The following PHF14 variants were observed in gnomAD, a reference collection of about 807,000 sequenced individuals.
PHF14 encodes PHD finger protein 14.
A neutral mutation model predicts 117.9 loss-of-function variants in PHF14; 55 were observed. The observed-to-expected ratio is 0.47, with a 90% CI of 0.38 to 0.58. The LOEUF is 0.58. PHF14 is among the 20% of genes least tolerant of loss of function. The probability of loss-of-function intolerance (pLI) is 0.00; values close to 1 mark genes in which losing one functional copy is unlikely to be tolerated. For synonymous variants in PHF14, 409 were observed against 368.6 expected (o/e 1.11, Z -1.26); for missense variants, 978 against 1,122.2 (o/e 0.87, Z 1.84).
At chr7:11,015,446 C>T (rs114470394) in intron 5 of PHF14, among the ~76,000 whole-genome samples, 377 of 152,206 alleles carry the variant, frequency 2.5e-3, no homozygotes, top group African/African-American at 8.8e-3. Context: ...TGACATGAAT[C>T]TGTGGTCTGT....
At chr7:10,986,050 C>G (rs1386311217) in intron 3 of PHF14, among the ~76,000 whole-genome samples, 3 of 152,000 alleles carry the variant, frequency 2.0e-5, no homozygotes, top group Non-Finnish European at 4.4e-5. Context: ...CTAACTGCAG[C>G]TTTGATCTCC....
chr7:10,974,893 T>C lies in PHF14; in HGVS notation c.60T>C (p.Ala20=). The C allele has an allele frequency of 6.3e-7, 1 of 1,595,278 alleles. No individual in the cohort carries two copies. The highest frequency in any genetic ancestry group is 8.5e-7 in the Non-Finnish European group (1 of 1,169,662). The part of the protein sequence containing the change: ...VKPLAASLLE[A]LDYDSSDDSD... ...CTTTGGCAGCTTCTCTGCTGGAAGC[T>C]CTTGATTATGATAGTTCAGATGACA... Residue 20 remains alanine, a synonymous_variant, in exon 2 of 18, where the codon GCT becomes GCC. Coordinates refer to ENST00000634607, the MANE Select transcript of PHF14 (RefSeq NM_001007157.2).
intron 4 of PHF14, chr7:11,006,641 G>T (rs530975824): frequency 1.3e-5 from 8 of 617,712 alleles, no homozygotes; most frequent in African/African-American, 1.3e-4. Flanking sequence ...GCAGAAACTT[G>T]ATGATGGTAT....
intron 4 of PHF14, among the ~76,000 whole-genome samples, chr7:10,992,178 C>G (rs1311728691): frequency 6.6e-6 from 1 of 151,194 alleles, no homozygotes; most frequent in South Asian, 2.1e-4. Context: ...CTCAGCCTCC[C>G]GAGTAGCTGG....
Position 11,084,282 on chromosome 7 carries a change from C to T in PHF14, c.2654+22197C>T, listed in dbSNP as rs994400186. On this transcript the variant is annotated intron_variant, in intron 16 of 17. Transcript: ENST00000634607. ...TAGCCATTTATTTTGAAGATAATAGCAATTAGAACATAAGTATTACTTTAT... is the reference window on the plus strand; with the variant it reads ...TAGCCATTTATTTTGAAGATAATAGTAATTAGAACATAAGTATTACTTTAT... 4.6e-5 allele frequency among the ~76,000 whole-genome samples: 7 copies of T among 152,096 alleles called. No individual in the cohort carries two copies. In the South Asian group the frequency reaches 1.5e-3, roughly 32 times the overall value.
intron 6 of PHF14, among the ~76,000 whole-genome samples, chr7:11,026,680 G>C (rs537114889): frequency 6.7e-6 from 1 of 150,074 alleles, no homozygotes; most frequent in East Asian, 1.9e-4. Context: ...GTCCAGTTAC[G>C]TTATCTGATG....
rs186235400 is a variant in PHF14, at chr7:10,975,224, A to G, written c.112+279A>G. On this transcript the variant is annotated intron_variant, in intron 2 of 17. Transcript: ENST00000634607. Reference sequence around the variant, plus strand: ...TACACCTTAAAATATATTTATGCTTATATTATAGAGGAAAAAACTGAAAGA... The same window carrying G: ...TACACCTTAAAATATATTTATGCTTGTATTATAGAGGAAAAAACTGAAAGA... Among the ~76,000 whole-genome samples the G allele has an allele frequency of 2.4e-4, 37 of 152,338 alleles. No homozygotes were observed. In the East Asian group the frequency reaches 6.9e-3, roughly 29 times the overall value.
intron 5 of PHF14, among the ~76,000 whole-genome samples, chr7:11,016,134 A>T (rs1028540604): frequency 4.6e-5 from 7 of 152,068 alleles, no homozygotes; most frequent in African/African-American, 7.2e-5. Context: ...ACATAAGTAG[A>T]CACCTCCTGT....
chr7:11,068,084 C>T (rs966068193), intron 16 of PHF14, among the ~76,000 whole-genome samples: 1 of 152,174 alleles, frequency 6.6e-6, no homozygotes, highest in Non-Finnish European at 1.5e-5. Context: ...GGTGCGGTGG[C>T]TCACGCCTGT....
At chr7:11,049,136 A>G (rs1327736242) in intron 13 of PHF14, among the ~76,000 whole-genome samples, 2 of 152,188 alleles carry the variant, frequency 1.3e-5, no homozygotes, top group Non-Finnish European at 2.9e-5. Flanking sequence ...TTTAGATAAC[A>G]TTATGTTTGC....
chr7:11,049,485 A>AT (rs1784781663), intron 13 of PHF14, among the ~76,000 whole-genome samples: 1 of 152,058 alleles, frequency 6.6e-6, no homozygotes, highest in Non-Finnish European at 1.5e-5. Context: ...AAAAAAAAAA[A>AT]AAAAAAAAGT....
At chr7:11,000,728 G>C (rs1782835673) in intron 4 of PHF14, among the ~76,000 whole-genome samples, 1 of 152,050 alleles carries the variant, frequency 6.6e-6, no homozygotes, top group Non-Finnish European at 1.5e-5. Flanking sequence ...TTATTGTTAA[G>C]TTTTAAGAGT....
chr7:11,049,474 CAA>C (rs11342926), intron 13 of PHF14, among the ~76,000 whole-genome samples: 2,107 of 110,306 alleles, frequency 0.019, 34 homozygotes, highest in African/African-American at 0.063. Flanking sequence ...GACTGTCTCT[CAA>C]AAAAAAAAAA....
chr7:11,006,485 G>A (rs1379614973), intron 4 of PHF14: 3 of 546,462 alleles, frequency 5.5e-6, no homozygotes, highest in East Asian at 4.8e-5. Context: ...CCATCAGGCC[G>A]AATTAGGGTG....
intron 11 of PHF14, among the ~76,000 whole-genome samples, chr7:11,039,511 G>A (rs1784434599): frequency 6.6e-6 from 1 of 152,048 alleles, no homozygotes; most frequent in South Asian, 2.1e-4. Context: ...GTATATAATT[G>A]ATAAATTACA....
Position 10,974,196 on chromosome 7 carries a change from C to A in PHF14, c.-128C>A. 1.2e-6 allele frequency: 1 copy of A among 814,536 alleles called. No individual in the cohort carries two copies. Among genetic ancestry groups the A allele is most frequent in the Non-Finnish European group, 2.0e-6 (1 of 492,742 alleles). 50.5% of individuals were successfully genotyped at this position (814,536 alleles called of 1,614,324 possible). On this transcript the variant is annotated 5_prime_UTR_variant, in exon 1 of 18. In the 5' UTR this introduces an upstream ATG that the reference lacks. Coordinates refer to ENST00000634607, the MANE Select transcript of PHF14 (RefSeq NM_001007157.2). ...CTTGGGAGCGCCCCTGTCCGGCTGG[C>A]TGCGCGCCGGTTTTAAATAGCATCT...
chr7:11,010,464 T>C (rs1783310071), intron 4 of PHF14, among the ~76,000 whole-genome samples: 2 of 151,992 alleles, frequency 1.3e-5, no homozygotes, highest in South Asian at 4.1e-4. Context: ...TTTGACATTT[T>C]ATATGACTTT....
At chr7:11,104,382 T>C in intron 16 of PHF14, 1 of 960,492 alleles carries the variant, frequency 1.0e-6, no homozygotes, top group Non-Finnish European at 1.2e-6. Flanking sequence ...TAGAATACTT[T>C]CTCCTAATAA....
At chr7:11,084,996 TTTTG>T (rs1030380178) in intron 16 of PHF14, among the ~76,000 whole-genome samples, 4 of 152,170 alleles carry the variant, frequency 2.6e-5, no homozygotes, top group Admixed American at 1.3e-4. Flanking sequence ...TTGTTGGGTT[TTTTG>T]TTTGTTTTTG....
Sources: allele counts gnomAD v4.1 joint callset (sites outside exome capture counted in the v4.1 genomes callset), GRCh38; gene constraint gnomAD v4.1.1; transcripts MANE v1.5; gene names NCBI Gene and HGNC (gene_info 2026-07-23, HGNC 2026-07-21).